Variants in GALNT13 observed in about 807,000 individuals in gnomAD.
GALNT13 encodes the protein UDP-GalNAc:polypeptide N-acetylgalactosaminyltransferase 13.
In GALNT13, 28 loss-of-function variants were observed where a neutral mutation model predicts 64.2. The ratio of observed to expected loss-of-function variants is 0.44; its 90% CI spans 0.32 to 0.60. The LOEUF (loss-of-function observed/expected upper bound fraction) is 0.60, where lower values mean the gene tolerates loss of function less well. Among genes scored for constraint, GALNT13 ranks in the 20% least tolerant of loss-of-function variants. GALNT13 has a pLI of 0.05. For synonymous variants in GALNT13, 214 were observed against 224.6 expected (o/e 0.95, Z 0.42); for missense variants, 577 against 669.8 (o/e 0.86, Z 1.53).
At chr2:153,613,764 G>T in the GALNT13 span, among the ~76,000 whole-genome samples, 1 of 151,982 alleles carries the variant, frequency 6.6e-6, no homozygotes, top group Non-Finnish European at 1.5e-5. Context: ...TGAGAATGCT[G>T]GTTTCCAGCT....
the GALNT13 span, among the ~76,000 whole-genome samples, chr2:153,335,230 G>T: frequency 5.3e-5 from 8 of 152,250 alleles, no homozygotes; most frequent in African/African-American, 1.9e-4. Context: ...CAGTAAGTTG[G>T]TATCAGTAGA....
intron 4 of GALNT13, among the ~76,000 whole-genome samples, chr2:154,141,177 A>C (rs1331729726): frequency 6.6e-6 from 1 of 152,178 alleles, no homozygotes; most frequent in Non-Finnish European, 1.5e-5. Context: ...TGGGTGAGTC[A>C]GTGAGTGTGT....
chr2:153,817,451 A>T, the GALNT13 span, among the ~76,000 whole-genome samples: 1 of 152,154 alleles, frequency 6.6e-6, no homozygotes, highest in South Asian at 2.1e-4. Flanking sequence ...ACCATCTCCC[A>T]GGTGATGTCT....
chr2:154,454,119 A>G (rs984573226), downstream of GALNT13, among the ~76,000 whole-genome samples: 6 of 152,166 alleles, frequency 3.9e-5, no homozygotes, highest in African/African-American at 1.2e-4. Flanking sequence ...CTTAAGAACT[A>G]TTACTAAATT....
the GALNT13 span, among the ~76,000 whole-genome samples, chr2:153,654,434 A>C: frequency 2.6e-5 from 4 of 152,160 alleles, no homozygotes; most frequent in East Asian, 7.7e-4. Context: ...TTATGTTAAA[A>C]GGTTTTATTT....
At chr2:153,501,690 A>G in the GALNT13 span, among the ~76,000 whole-genome samples, 1 of 152,190 alleles carries the variant, frequency 6.6e-6, no homozygotes. Context: ...AGGGCTTCTC[A>G]TATGTGCATT....
At chr2:153,624,720 T>C in the GALNT13 span, among the ~76,000 whole-genome samples, 1 of 151,944 alleles carries the variant, frequency 6.6e-6, no homozygotes, top group Non-Finnish European at 1.5e-5. Context: ...CTTTCAAACC[T>C]TGTGGTCTGC....
the GALNT13 span, among the ~76,000 whole-genome samples, chr2:153,390,097 G>A: frequency 6.6e-6 from 1 of 152,084 alleles, no homozygotes; most frequent in Non-Finnish European, 1.5e-5. Flanking sequence ...TTAAGAAAAT[G>A]TGGCACATAT....
the GALNT13 span, among the ~76,000 whole-genome samples, chr2:153,720,705 G>T: frequency 2.7e-5 from 4 of 150,736 alleles, no homozygotes; most frequent in Non-Finnish European, 5.9e-5. Context: ...GGAAGAAAGG[G>T]TATCAGCAAT....
the GALNT13 span, among the ~76,000 whole-genome samples, chr2:153,264,391 G>T: frequency 6.6e-6 from 1 of 152,182 alleles, no homozygotes; most frequent in African/African-American, 2.4e-5. Context: ...ATTCCTCAAA[G>T]ACCTAGAGAC....
the GALNT13 span, among the ~76,000 whole-genome samples, chr2:153,605,147 A>G: frequency 6.6e-6 from 1 of 152,020 alleles, no homozygotes; most frequent in South Asian, 2.1e-4. Flanking sequence ...TGCTCAGTCC[A>G]TTTCCCTTCT....
At chr2:154,227,777 C>T (rs890364593) in intron 4 of GALNT13, among the ~76,000 whole-genome samples, 3 of 152,074 alleles carry the variant, frequency 2.0e-5, no homozygotes, top group Admixed American at 6.6e-5. Flanking sequence ...ACCCATTTCC[C>T]GTTTGCACCT....
the GALNT13 span, among the ~76,000 whole-genome samples, chr2:153,572,784 A>G: frequency 6.6e-6 from 1 of 151,570 alleles, no homozygotes; most frequent in African/African-American, 2.4e-5. Flanking sequence ...TGCTAGTTTC[A>G]TTCCATGGTG....
At position 153,962,762 on chromosome 2, in the gene GALNT13, C is replaced by A. The variant is rs77087659; in HGVS notation, c.142+18123C>A. Among the ~76,000 whole-genome samples, 1,444 of 152,174 alleles carry A rather than the reference C, an allele frequency of 9.5e-3. 21 individuals carry two copies. Among genetic ancestry groups the A allele is most frequent in the African/African-American group, 0.033 (1,367 of 41,510 alleles). ...AGATTTAATCTCACAATCATGACTC[C>A]CTCTGCACAATGTCCCTCATACCTC... On this transcript the variant is annotated intron_variant, in intron 3 of 12. Coordinates refer to ENST00000392825, the MANE Select transcript of GALNT13 (RefSeq NM_052917.4).
At chr2:153,652,631 T>C in the GALNT13 span, among the ~76,000 whole-genome samples, 1 of 151,828 alleles carries the variant, frequency 6.6e-6, no homozygotes, top group African/African-American at 2.4e-5. Context: ...AGGAAAAAAA[T>C]TAGAGACAGA....
At chr2:153,556,052 T>C in the GALNT13 span, among the ~76,000 whole-genome samples, 1 of 152,208 alleles carries the variant, frequency 6.6e-6, no homozygotes, top group Admixed American at 6.5e-5. Context: ...TCTGCAATTA[T>C]AGCAAAATAA....
chr2:153,567,785 G>C, the GALNT13 span, among the ~76,000 whole-genome samples: 3 of 124,670 alleles, frequency 2.4e-5, no homozygotes, highest in Non-Finnish European at 5.0e-5. Flanking sequence ...GTACAAAAAA[G>C]AACTGATTAT....
At chr2:153,763,185 TA>T in the GALNT13 span, among the ~76,000 whole-genome samples, 853 of 152,292 alleles carry the variant, frequency 5.6e-3, 5 homozygotes, top group Non-Finnish European at 8.6e-3. Flanking sequence ...TATCAGAGTA[TA>T]TTGAATATGA....
At chr2:153,739,584 TTTTA>T in the GALNT13 span, among the ~76,000 whole-genome samples, 14,083 of 138,366 alleles carry the variant, frequency 0.1, 1,553 homozygotes, top group African/African-American at 0.28. Context: ...TTATTCATTA[TTTTA>T]TTTATTTATT....
Sources: allele counts gnomAD v4.1 joint callset (sites outside exome capture counted in the v4.1 genomes callset), GRCh38; gene constraint gnomAD v4.1.1; transcripts MANE v1.5; gene names NCBI Gene and HGNC (gene_info 2026-07-23, HGNC 2026-07-21).